Variants in ST6GAL2 observed in about 807,000 individuals in gnomAD.
ST6GAL2 encodes beta-galactoside alpha-2,6-sialyltransferase 2.
In ST6GAL2, 24 loss-of-function variants were observed where a neutral mutation model predicts 37.5. The observed-to-expected ratio is 0.64, with a 90% confidence interval of 0.46 to 0.90. ST6GAL2 has a LOEUF of 0.90. Ranked by LOEUF, ST6GAL2 falls within the 40% of genes least tolerant of loss-of-function variation. The pLI, the probability that ST6GAL2 is intolerant of heterozygous loss-of-function variation, is 0.00. For synonymous variants in ST6GAL2, 306 were observed against 295.1 expected, an observed-to-expected ratio of 1.04 and a Z score of -0.38; for missense variants, 715 against 712.7, an observed-to-expected ratio of 1.00 and a Z score of -0.04.
chr2:106,810,710 G>A (rs1441877412), intron 5 of ST6GAL2, among the ~76,000 whole-genome samples: 1 of 152,186 alleles, frequency 6.6e-6, no homozygotes, highest in Non-Finnish European at 1.5e-5. Flanking sequence ...AGTACTTTGG[G>A]AGGTCAAGGC....
chr2:106,826,150 A>G (rs1371852888), intron 5 of ST6GAL2, among the ~76,000 whole-genome samples: 2 of 152,372 alleles, frequency 1.3e-5, no homozygotes, highest in Non-Finnish European at 1.5e-5. Context: ...TGTTAAATGT[A>G]TGCAGTGGAT....
intron 1 of ST6GAL2, among the ~76,000 whole-genome samples, chr2:106,884,932 T>TACAC (rs1451186807): frequency 2.6e-5 from 3 of 115,468 alleles, no homozygotes; most frequent in African/African-American, 1.3e-4. Context: ...TATATATATA[T>TACAC]ATACATACAC....
chr2:106,868,237 G>A (rs867193786), intron 1 of ST6GAL2, among the ~76,000 whole-genome samples: 12 of 152,220 alleles, frequency 7.9e-5, no homozygotes, highest in Admixed American at 2.6e-4. Flanking sequence ...CCTGGAATAC[G>A]GTTAATTTTT....
chr2:106,879,257 T>C (rs1189101553), intron 1 of ST6GAL2, among the ~76,000 whole-genome samples: 1 of 152,202 alleles, frequency 6.6e-6, no homozygotes, highest in Non-Finnish European at 1.5e-5. Context: ...ATGATGATAA[T>C]ACAGCATGAT....
intron 1 of ST6GAL2, among the ~76,000 whole-genome samples, chr2:106,864,220 C>G (rs563701084): frequency 2.6e-5 from 4 of 152,316 alleles, no homozygotes; most frequent in Middle Eastern, 3.4e-3. Context: ...CAACCTCTCT[C>G]CCTGCAGCCC....
chr2:106,867,967 T>C (rs1217374153), intron 1 of ST6GAL2, among the ~76,000 whole-genome samples: 1 of 152,158 alleles, frequency 6.6e-6, no homozygotes, highest in Middle Eastern at 3.2e-3. Context: ...GAATAAGGTA[T>C]TATTATATAA....
chr2:106,843,380 A>T lies in ST6GAL2; in HGVS notation c.598T>A (p.Ser200Thr), dbSNP rs768311561. The T allele has an allele frequency of 1.2e-6, 2 of 1,614,138 alleles. No individual in the cohort carries two copies. Among genetic ancestry groups the T allele is most frequent in the Non-Finnish European group, 1.7e-6 (2 of 1,180,022 alleles). ...CAGAGCCGGTACAGGAAGGCCCTGGACATGGAGGAGTACAGCCTGTCGCCG... is the reference window on the plus strand; with the variant it reads ...CAGAGCCGGTACAGGAAGGCCCTGGTCATGGAGGAGTACAGCCTGTCGCCG... Reference protein sequence around the residue: ...DDGDRLYSSMSRAFLYRLWKG... With the variant: ...DDGDRLYSSMTRAFLYRLWKG... The change falls in exon 2 of 6, where the codon TCC (serine) becomes ACC (threonine). Residue 200 changes from serine to threonine, a missense_variant. Around this residue, in one of 3 missense-constraint regions of ST6GAL2, gnomAD observed 512 missense variants for 488.8 expected, o/e 1.05. Transcript: ENST00000409382.
chr2:106,809,495 T>C (rs1675533526), intron 5 of ST6GAL2, among the ~76,000 whole-genome samples: 2 of 152,214 alleles, frequency 1.3e-5, no homozygotes. Flanking sequence ...GTTCTTAAAC[T>C]GGATGGTTTT....
Position 106,832,684 on chromosome 2 carries a change from A to T in ST6GAL2, c.1042-18T>A, listed in dbSNP as rs1367806561. 3 of 1,488,782 alleles carry T rather than the reference A, an allele frequency of 2.0e-6. No individual in the cohort carries two copies. In the East Asian group the frequency reaches 6.8e-5, roughly 34 times the overall value. 92.2% of individuals were successfully genotyped at this position (1,488,782 alleles called of 1,614,324 possible). On this transcript the variant is annotated intron_variant, in intron 3 of 5. Coordinates refer to ENST00000409382, the MANE Select transcript of ST6GAL2 (RefSeq NM_001142351.2). ...GTCAGAATCTGCAAACACACAGAAA[A>T]ACCATTTCAAAGCCAGGGTTTGGTT...
intron 1 of ST6GAL2, among the ~76,000 whole-genome samples, chr2:106,844,777 G>GGA (rs1483495303): frequency 1.3e-5 from 2 of 152,138 alleles, no homozygotes; most frequent in Non-Finnish European, 1.5e-5. Flanking sequence ...GGAGAGATGG[G>GGA]GAGAGAGCTT....
chr2:106,843,864 A>G lies in ST6GAL2; in HGVS notation c.114T>C (p.Pro38=), dbSNP rs1284828935. The G allele has an allele frequency of 2.5e-6, 4 of 1,611,328 alleles. No homozygotes were observed. Among genetic ancestry groups the G allele is most frequent in the Non-Finnish European group, 3.4e-6 (4 of 1,179,752 alleles). The change falls in exon 2 of 6, where the codon CCT becomes CCC. Residue 38 remains proline (P), a synonymous_variant. Transcript: ENST00000409382. ...IYFTDSNPAE[P]VPSSLSFLET... ...CCAGGAAGGAGAGGGAGCTGGGTAC[A>G]GGCTCAGCGGGGTTGCTGTCGGTGA... is the stretch of plus-strand genomic sequence containing the variant.
intron 5 of ST6GAL2, among the ~76,000 whole-genome samples, chr2:106,809,219 G>T (rs1675524708): frequency 6.6e-6 from 1 of 152,250 alleles, no homozygotes; most frequent in South Asian, 2.1e-4. Flanking sequence ...TGCTCTGCCA[G>T]CTCTGCACAA....
intron 1 of ST6GAL2, among the ~76,000 whole-genome samples, chr2:106,866,412 C>G (rs1678026604): frequency 6.6e-6 from 1 of 152,192 alleles, no homozygotes; most frequent in Admixed American, 6.5e-5. Context: ...ACATCCTGTC[C>G]ATCGTTCCTT....
At chr2:106,822,714 G>C (rs993005572) in intron 5 of ST6GAL2, among the ~76,000 whole-genome samples, 2 of 152,048 alleles carry the variant, frequency 1.3e-5, no homozygotes, top group African/African-American at 4.8e-5. Flanking sequence ...AAACTATCCT[G>C]AGTGAAAAGA....
At chr2:106,826,362 G>A (rs1676204036) in intron 5 of ST6GAL2, among the ~76,000 whole-genome samples, 1 of 152,128 alleles carries the variant, frequency 6.6e-6, no homozygotes, top group South Asian at 2.1e-4. Flanking sequence ...GAAAGCAGGG[G>A]CAAGAGACAG....
chr2:106,869,987 A>G (rs1403315456), intron 1 of ST6GAL2, among the ~76,000 whole-genome samples: 3 of 152,196 alleles, frequency 2.0e-5, no homozygotes, highest in Admixed American at 6.5e-5. Context: ...TTTCCACTTC[A>G]GTGGTGTGAC....
intron 1 of ST6GAL2, among the ~76,000 whole-genome samples, chr2:106,856,844 T>C (rs1367597050): frequency 6.6e-6 from 1 of 152,218 alleles, no homozygotes; most frequent in Non-Finnish European, 1.5e-5. Flanking sequence ...ACATTTTGAA[T>C]TTAGATATTC....
At chr2:106,857,595 C>T (rs1312216580) in intron 1 of ST6GAL2, among the ~76,000 whole-genome samples, 2 of 152,114 alleles carry the variant, frequency 1.3e-5, no homozygotes, top group South Asian at 2.1e-4. Context: ...CACAGCAAGA[C>T]CCCATCTCAA....
intron 1 of ST6GAL2, among the ~76,000 whole-genome samples, chr2:106,855,947 A>C (rs1287342789): frequency 6.6e-6 from 1 of 152,180 alleles, no homozygotes; most frequent in Non-Finnish European, 1.5e-5. Context: ...ACTGAATGCT[A>C]TAATGCTTTA....
Sources: allele counts gnomAD v4.1 joint callset (sites outside exome capture counted in the v4.1 genomes callset), GRCh38; gene constraint gnomAD v4.1.1; regional missense constraint gnomAD v4.1.1; transcripts MANE v1.5; gene names NCBI Gene and HGNC (gene_info 2026-07-23, HGNC 2026-07-21).